Variants in IL1RAPL2 observed in about 807,000 individuals in gnomAD.
IL1RAPL2 encodes interleukin 1 receptor accessory protein like 2, also known as X-linked interleukin-1 receptor accessory protein-like 2.
Under a neutral mutation model 44.1 loss-of-function variants are expected in IL1RAPL2, and 3 were observed. The observed-to-expected ratio is 0.07, with a 90% confidence interval of 0.03 to 0.18. The LOEUF is 0.18. Among genes scored for constraint, IL1RAPL2 ranks in the 10% least tolerant of loss-of-function variants. The pLI, the probability that IL1RAPL2 is intolerant of heterozygous loss-of-function variation, is 1.00. For synonymous variants in IL1RAPL2, 181 were observed against 178.8 expected (o/e 1.01, Z -0.10); for missense variants, 391 against 496.4 (o/e 0.79, Z 2.02).
chrX:105,250,245 T>C (rs753185748), intron 4 of IL1RAPL2, among the ~76,000 whole-genome samples: 1 of 86,979 alleles, frequency 1.1e-5, no homozygotes, highest in Non-Finnish European at 2.0e-5. Context: ...TCACAGAATA[T>C]TTTTAGGGTG....
At chrX:104,677,478 G>A (rs1930795420) in intron 2 of IL1RAPL2, among the ~76,000 whole-genome samples, 1 of 111,054 alleles carries the variant, frequency 9.0e-6, no homozygotes, top group East Asian at 2.9e-4. Flanking sequence ...CTGCGTGCTG[G>A]GAGAACCACT....
chrX:104,781,354 G>A (rs1206606481), intron 2 of IL1RAPL2, among the ~76,000 whole-genome samples: 2 of 112,142 alleles, frequency 1.8e-5, no homozygotes, highest in Non-Finnish European at 3.8e-5. Flanking sequence ...TTCAAAACCT[G>A]TCCATCTGAC....
At chrX:105,379,048 G>T (rs2035409306) in intron 5 of IL1RAPL2, among the ~76,000 whole-genome samples, 1 of 111,567 alleles carries the variant, frequency 9.0e-6, no homozygotes, top group Admixed American at 9.6e-5. Context: ...GATGTCTGAG[G>T]TCTTTTTCAG....
At chrX:105,640,474 C>A (rs967064285) in intron 6 of IL1RAPL2, among the ~76,000 whole-genome samples, 2 of 107,525 alleles carry the variant, frequency 1.9e-5, no homozygotes, top group African/African-American at 6.7e-5. Context: ...GCAAGAGGAT[C>A]CTCTAGGACA....
chrX:105,063,216 TA>T (rs1421400355), intron 2 of IL1RAPL2, among the ~76,000 whole-genome samples: 1 of 112,213 alleles, frequency 8.9e-6, no homozygotes, highest in Admixed American at 9.5e-5. Context: ...ATTCTGCTAT[TA>T]AAAGAATGCA....
At chrX:105,619,885 A>C (rs2037407485) in intron 6 of IL1RAPL2, among the ~76,000 whole-genome samples, 3 of 110,665 alleles carry the variant, frequency 2.7e-5, no homozygotes, top group African/African-American at 9.9e-5. Flanking sequence ...ACATCTAGGT[A>C]GAAATTTAAA....
chrX:105,409,494 A>G (rs2035676498), intron 5 of IL1RAPL2, among the ~76,000 whole-genome samples: 1 of 111,559 alleles, frequency 9.0e-6, no homozygotes, highest in Admixed American at 9.6e-5. Flanking sequence ...AAGAAAACAA[A>G]ACATACAAAA....
At chrX:105,038,232 C>T (rs998929180) in intron 2 of IL1RAPL2, among the ~76,000 whole-genome samples, 1 of 110,888 alleles carries the variant, frequency 9.0e-6, no homozygotes, top group Non-Finnish European at 1.9e-5. Context: ...CACCAATGAC[C>T]ATCATTTTGC....
intron 7 of IL1RAPL2, among the ~76,000 whole-genome samples, chrX:105,736,251 A>C (rs978431997): frequency 1.8e-5 from 2 of 111,481 alleles, no homozygotes; most frequent in African/African-American, 6.5e-5. Flanking sequence ...GTGTAAAACC[A>C]AAAACTATAA....
intron 2 of IL1RAPL2, among the ~76,000 whole-genome samples, chrX:104,838,195 T>C (rs527507514): frequency 8.9e-6 from 1 of 111,836 alleles, no homozygotes. Context: ...GCTTAGAATT[T>C]TCTTGGCTAT....
chrX:105,004,224 G>A (rs1040823997), intron 2 of IL1RAPL2, among the ~76,000 whole-genome samples: 14 of 110,296 alleles, frequency 1.3e-4, no homozygotes, highest in African/African-American at 4.6e-4. Flanking sequence ...ATCAGAAAAG[G>A]AGAGTGACTT....
chrX:104,674,178 G>A (rs1002967284), intron 2 of IL1RAPL2, among the ~76,000 whole-genome samples: 2 of 112,045 alleles, frequency 1.8e-5, no homozygotes, highest in African/African-American at 6.5e-5. Context: ...TCTTGTGCCA[G>A]TTTTCAAAGG....
chrX:105,302,537 A>T (rs1384282256), intron 5 of IL1RAPL2, among the ~76,000 whole-genome samples: 1 of 111,996 alleles, frequency 8.9e-6, no homozygotes, highest in Admixed American at 9.5e-5. Flanking sequence ...TAGCAATGTC[A>T]TCTGTGTGCT....
chrX:105,167,115 C>T (rs750167051), intron 2 of IL1RAPL2, among the ~76,000 whole-genome samples: 6 of 112,306 alleles, frequency 5.3e-5, no homozygotes, highest in Admixed American at 9.5e-5. Flanking sequence ...CAACTTCTCT[C>T]ATCTCTTATC....
intron 2 of IL1RAPL2, among the ~76,000 whole-genome samples, chrX:105,084,447 G>A (rs1004024238): frequency 8.9e-6 from 1 of 112,875 alleles, no homozygotes; most frequent in South Asian, 3.6e-4. Flanking sequence ...ACATGGAGTC[G>A]AAGAAGATCA....
intron 6 of IL1RAPL2, among the ~76,000 whole-genome samples, chrX:105,500,494 C>T (rs1218099540): frequency 9.0e-6 from 1 of 111,284 alleles, no homozygotes; most frequent in Non-Finnish European, 1.9e-5. Context: ...CCTGCTTAGA[C>T]TGTTCTATAT....
intron 6 of IL1RAPL2, among the ~76,000 whole-genome samples, chrX:105,686,941 A>C (rs1174434182): frequency 8.9e-6 from 1 of 112,049 alleles, no homozygotes; most frequent in Non-Finnish European, 1.9e-5. Flanking sequence ...ACTCAACTAC[A>C]TGGAAACTGA....
chrX:105,690,777 A>G (rs1374781641), intron 6 of IL1RAPL2, among the ~76,000 whole-genome samples: 1 of 111,956 alleles, frequency 8.9e-6, no homozygotes, highest in Non-Finnish European at 1.9e-5. Flanking sequence ...TTTATATTCT[A>G]ATTTATTAAT....
At chrX:104,733,850 C>G (rs1302748239) in intron 2 of IL1RAPL2, among the ~76,000 whole-genome samples, 3 of 110,172 alleles carry the variant, frequency 2.7e-5, no homozygotes, top group Non-Finnish European at 5.7e-5. Flanking sequence ...GATGAAAAGG[C>G]AAGCCACAGA....
Sources: allele counts gnomAD v4.1 joint callset (sites outside exome capture counted in the v4.1 genomes callset), GRCh38; gene constraint gnomAD v4.1.1; transcripts MANE v1.5; gene names NCBI Gene and HGNC (gene_info 2026-07-23, HGNC 2026-07-21).